The following ADAMTS16 variants were observed in gnomAD, a reference collection of about 807,000 sequenced individuals.
ADAMTS16 encodes ADAM metallopeptidase with thrombospondin type 1 motif 16, also known as A disintegrin and metalloproteinase with thrombospondin motifs 16.
Under a neutral mutation model 145.8 loss-of-function variants are expected in ADAMTS16, and 94 were observed. The ratio of observed to expected loss-of-function variants is 0.64; its 90% CI spans 0.55 to 0.77. The LOEUF is 0.77. Ranked by LOEUF, ADAMTS16 falls within the 30% of genes least tolerant of loss-of-function variation. ADAMTS16 has a pLI of 0.00. For synonymous variants in ADAMTS16, 659 were observed against 604.3 expected, an observed-to-expected ratio of 1.09 and a Z score of -1.33; for missense variants, 1,585 against 1,591.5, an observed-to-expected ratio of 1.00 and a Z score of 0.07.
intron 18 of ADAMTS16, among the ~76,000 whole-genome samples, chr5:5,293,359 T>C (rs1739404256): frequency 6.6e-6 from 1 of 152,190 alleles, no homozygotes; most frequent in East Asian, 1.9e-4. Context: ...GCAAAGTGGC[T>C]TCCTACCCAG....
At chr5:5,169,397 G>A (rs763218063) in intron 3 of ADAMTS16, among the ~76,000 whole-genome samples, 11 of 152,164 alleles carry the variant, frequency 7.2e-5, no homozygotes, top group Non-Finnish European at 1.3e-4. Flanking sequence ...ACATTCATTC[G>A]TCATTGCCCA....
Position 5,303,584 on chromosome 5 carries a change from TGTGG to T in ADAMTS16, c.3006_3009del (p.Cys1002Ter). 1.2e-6 allele frequency: 2 copies of T among 1,614,128 alleles called. No homozygotes were observed. The highest frequency in any genetic ancestry group is 1.7e-5 in the Admixed American group (1 of 60,028). ...CTGTTCTGTGCAGTGCTCACACACC[TGTGG>T]GAAGGGGTGGAGGAAGCGGGCAGTG... On this transcript the variant is annotated frameshift_variant, in exon 20 of 23. Coordinates refer to ENST00000274181, the MANE Select transcript of ADAMTS16 (RefSeq NM_139056.4). LOFTEE classifies it high-confidence loss of function.
intron 3 of ADAMTS16, among the ~76,000 whole-genome samples, chr5:5,170,336 G>A (rs946731384): frequency 6.6e-6 from 1 of 151,842 alleles, no homozygotes; most frequent in Non-Finnish European, 1.5e-5. Context: ...CTCGAGAAAC[G>A]TCTATTCATA....
intron 9 of ADAMTS16, among the ~76,000 whole-genome samples, chr5:5,205,429 G>T (rs1348560028): frequency 1.3e-5 from 2 of 151,974 alleles, no homozygotes; most frequent in East Asian, 3.9e-4. Context: ...TTTTGTATAT[G>T]GCATGCAAAA....
At chr5:5,188,800 C>T (rs969822589) in intron 6 of ADAMTS16, among the ~76,000 whole-genome samples, 1 of 152,048 alleles carries the variant, frequency 6.6e-6, no homozygotes, top group African/African-American at 2.4e-5. Context: ...AAGATACAAC[C>T]TCATTGTCTT....
chr5:5,308,438 C>A (rs1324634130), intron 21 of ADAMTS16, among the ~76,000 whole-genome samples: 1 of 152,166 alleles, frequency 6.6e-6, no homozygotes, highest in Non-Finnish European at 1.5e-5. Flanking sequence ...CTCTTCAGGC[C>A]AACCTGTTCT....
rs756262467 is a variant in ADAMTS16, at chr5:5,239,754, C to T, written c.2352C>T (p.Ser784=). The T allele has an allele frequency of 5.0e-6, 8 of 1,613,984 alleles. No homozygotes were observed. The highest frequency in any genetic ancestry group is 1.6e-4 in the Middle Eastern group (1 of 6,084). ...IRIYEMNVST[S]YISVRNALRR... Reference sequence around the variant, plus strand: ...TCTATGAAATGAACGTCTCTACCTCCTACATTTCTGTGCGCAATGCCCTCA... The same window carrying T: ...TCTATGAAATGAACGTCTCTACCTCTTACATTTCTGTGCGCAATGCCCTCA... The change falls in exon 16 of 23, where the codon TCC becomes TCT. Residue 784 remains serine, a synonymous_variant. Transcript: ENST00000274181.
At chr5:5,158,849 G>A (rs180792917) in intron 3 of ADAMTS16, among the ~76,000 whole-genome samples, 1 of 152,286 alleles carries the variant, frequency 6.6e-6, no homozygotes, top group African/African-American at 2.4e-5. Context: ...CTGTGCTTCA[G>A]TCTCTTAGGC....
chr5:5,206,922 A>T (rs1283794340), intron 9 of ADAMTS16, among the ~76,000 whole-genome samples: 2 of 152,196 alleles, frequency 1.3e-5, no homozygotes, highest in African/African-American at 2.4e-5. Context: ...TGGCCTTTCT[A>T]TACTGTTCCA....
At chr5:5,194,581 G>A (rs1002382837) in intron 8 of ADAMTS16, among the ~76,000 whole-genome samples, 1 of 152,216 alleles carries the variant, frequency 6.6e-6, no homozygotes, top group Non-Finnish European at 1.5e-5. Flanking sequence ...TGAATTGTTA[G>A]CTGTGACCAC....
In ADAMTS16 at chr5:5,318,220, C is replaced by A; in HGVS notation, c.3498C>A (p.His1166Gln). ...GGCCGGCCTCAGGCTGCCTCCTGCA[C>A]CAGAAGCCTTCGGCCTCCCTGGCCT... The part of the protein sequence containing the change: ...GGRPASGCLL[H>Q]QKPSASLACN... Residue 1166 changes from histidine (H) to glutamine (Q), a missense_variant, in exon 22 of 23, where the codon CAC (histidine) becomes CAA (glutamine). By Grantham distance (24) the His-to-Gln change is conservative. Transcript: ENST00000274181. 1 of 1,570,410 alleles carries A rather than the reference C, an allele frequency of 6.4e-7. No individual in the cohort carries two copies.
intron 20 of ADAMTS16, among the ~76,000 whole-genome samples, chr5:5,305,043 CCACA>C (rs199601093): frequency 2.2e-5 from 1 of 45,198 alleles, no homozygotes; most frequent in Non-Finnish European, 4.6e-5. Context: ...CCATCCCACA[CCACA>C]CACACACATC....
At chr5:5,207,640 C>T (rs762622979) in intron 9 of ADAMTS16, among the ~76,000 whole-genome samples, 62 of 151,534 alleles carry the variant, frequency 4.1e-4, no homozygotes, top group Middle Eastern at 3.5e-3. Context: ...CTTTAAGTTT[C>T]GCACCATTAA....
intron 3 of ADAMTS16, among the ~76,000 whole-genome samples, chr5:5,171,380 C>G (rs866341092): frequency 6.6e-6 from 1 of 152,082 alleles, no homozygotes. Context: ...CAGCTTTTTT[C>G]CCATTCAGTA....
intron 18 of ADAMTS16, among the ~76,000 whole-genome samples, chr5:5,271,919 T>C (rs1738491955): frequency 6.6e-6 from 1 of 152,108 alleles, no homozygotes; most frequent in Non-Finnish European, 1.5e-5. Flanking sequence ...ACAACCAAGA[T>C]ACATGGGTCC....
intron 8 of ADAMTS16, among the ~76,000 whole-genome samples, chr5:5,196,503 T>C (rs1445525523): frequency 6.6e-6 from 1 of 152,184 alleles, no homozygotes; most frequent in Non-Finnish European, 1.5e-5. Context: ...GACTGGGGAT[T>C]GTCAGGCTGC....
chr5:5,274,044 C>G (rs1486274828), intron 18 of ADAMTS16, among the ~76,000 whole-genome samples: 1 of 152,102 alleles, frequency 6.6e-6, no homozygotes, highest in African/African-American at 2.4e-5. Context: ...TTTTTAAAGA[C>G]CTTTTTTTCC....
chr5:5,218,439 G>C (rs1266758000), intron 10 of ADAMTS16, among the ~76,000 whole-genome samples: 1 of 152,156 alleles, frequency 6.6e-6, no homozygotes, highest in African/African-American at 2.4e-5. Context: ...GAGCACTCTT[G>C]GGCTCCGGCC....
Position 5,232,472 on chromosome 5 carries a change from C to T in ADAMTS16, c.1806C>T (p.Cys602=), listed in dbSNP as rs199944943. 1.1e-5 allele frequency: 18 copies of T among 1,613,804 alleles called. No individual in the cohort carries two copies. In the Admixed American group the frequency reaches 1.3e-4, roughly 12 times the overall value. Reference sequence around the variant, plus strand: ...CTTGGTCCCCATGCTCCAGGACCTGCGGAGGGGGAGTATCTCATAGGAGTC... The same window carrying T: ...CTTGGTCCCCATGCTCCAGGACCTGTGGAGGGGGAGTATCTCATAGGAGTC... ...WSSWSPCSRT[C]GGGVSHRSRL... Residue 602 remains cysteine, a synonymous_variant, in exon 12 of 23, where the codon TGC becomes TGT. Coordinates refer to ENST00000274181, the MANE Select transcript of ADAMTS16 (RefSeq NM_139056.4).
Sources: allele counts gnomAD v4.1 joint callset (sites outside exome capture counted in the v4.1 genomes callset), GRCh38; gene constraint gnomAD v4.1.1; transcripts MANE v1.5; gene names NCBI Gene and HGNC (gene_info 2026-07-23, HGNC 2026-07-21).